The following VAV2 variants were observed in gnomAD, a reference collection of about 807,000 sequenced individuals.
VAV2 encodes vav guanine nucleotide exchange factor 2.
In VAV2, 67 loss-of-function variants were observed where a neutral mutation model predicts 132.5. The ratio of observed to expected loss-of-function variants is 0.51; its 90% confidence interval spans 0.42 to 0.62. VAV2 has a LOEUF of 0.62. Ranked by LOEUF, VAV2 falls within the 20% of genes least tolerant of loss-of-function variation. The pLI, the probability that VAV2 is intolerant of heterozygous loss-of-function variation, is 0.00. For synonymous variants in VAV2, 492 were observed against 443.5 expected (o/e 1.11, Z -1.37); for missense variants, 938 against 1,153.6 (o/e 0.81, Z 2.71).
chr9:133,966,179 C>T (rs1163427391), intron 1 of VAV2, among the ~76,000 whole-genome samples: 1 of 152,182 alleles, frequency 6.6e-6, no homozygotes, highest in Admixed American at 6.5e-5. Context: ...CATAAAACTA[C>T]TGAAAGAAAA....
chr9:133,815,168 T>A (rs913648689), intron 4 of VAV2, among the ~76,000 whole-genome samples: 1 of 151,676 alleles, frequency 6.6e-6, no homozygotes, highest in African/African-American at 2.4e-5. Flanking sequence ...AGAAAAGGGG[T>A]GTGGAAGGCA....
intron 3 of VAV2, among the ~76,000 whole-genome samples, chr9:133,858,085 G>T (rs1588276613): frequency 1.3e-5 from 2 of 152,340 alleles, no homozygotes; most frequent in South Asian, 2.1e-4. Flanking sequence ...AGACAAGACT[G>T]GCTCTTGCTC....
chr9:133,864,882 G>A (rs1837739837), intron 2 of VAV2, among the ~76,000 whole-genome samples: 2 of 152,352 alleles, frequency 1.3e-5, no homozygotes, highest in South Asian at 2.1e-4. Context: ...GAAAGGGCAT[G>A]CGGTCTGTGA....
At chr9:133,872,697 A>G (rs979246926) in intron 2 of VAV2, among the ~76,000 whole-genome samples, 1 of 141,484 alleles carries the variant, frequency 7.1e-6, no homozygotes, top group South Asian at 2.1e-4. Context: ...GCACAGGAGG[A>G]GGCGTAAGCT....
intron 1 of VAV2, among the ~76,000 whole-genome samples, chr9:133,972,514 C>T (rs530528319): frequency 3.9e-5 from 6 of 152,224 alleles, no homozygotes; most frequent in Non-Finnish European, 8.8e-5. Context: ...CGCTGGCTCC[C>T]GCAGACACAT....
chr9:133,789,152 T>C (rs1190970894), intron 14 of VAV2, 106 bp downstream of exon 14: 39 of 1,241,290 alleles, frequency 3.1e-5, no homozygotes, highest in Non-Finnish European at 4.1e-5. Flanking sequence ...GGCAGCTCTT[T>C]CCACAGGAAG....
chr9:133,970,014 G>C (rs182107345), intron 1 of VAV2, among the ~76,000 whole-genome samples: 117 of 152,130 alleles, frequency 7.7e-4, no homozygotes, highest in African/African-American at 2.7e-3. Context: ...CCCCCCAGAC[G>C]TGCAGGGTGG....
At chr9:133,909,001 G>C (rs933212043) in intron 2 of VAV2, among the ~76,000 whole-genome samples, 2 of 152,194 alleles carry the variant, frequency 1.3e-5, no homozygotes, top group Non-Finnish European at 2.9e-5. Context: ...GGAATGATTG[G>C]GAATGAACCT....
chr9:133,789,479 C>A, intron 13 of VAV2, 136 bp from the exon 14 acceptor site: 1 of 767,106 alleles, frequency 1.3e-6, no homozygotes, highest in East Asian at 2.6e-5. Context: ...GAAACAGCCC[C>A]TGTGGCTCCC....
chr9:133,948,450 C>T (rs886939155), intron 1 of VAV2, among the ~76,000 whole-genome samples: 13 of 152,112 alleles, frequency 8.5e-5, no homozygotes, highest in African/African-American at 2.9e-4. Context: ...TCAAGGTCTT[C>T]GGGGGCCAGC....
chr9:133,905,900 C>T (rs1378748240), intron 2 of VAV2, among the ~76,000 whole-genome samples: 3 of 151,934 alleles, frequency 2.0e-5, no homozygotes, highest in Non-Finnish European at 4.4e-5. Context: ...ATTAGCCGGG[C>T]GTGGTGGTAC....
chr9:133,930,417 T>A (rs752825650), intron 2 of VAV2, among the ~76,000 whole-genome samples: 3 of 53,252 alleles, frequency 5.6e-5, no homozygotes, highest in African/African-American at 1.5e-4. Flanking sequence ...CCTAGCATCC[T>A]CACTGTCCTC....
chr9:133,867,668 T>G (rs1363612965), intron 2 of VAV2, among the ~76,000 whole-genome samples: 1 of 152,224 alleles, frequency 6.6e-6, no homozygotes, highest in Non-Finnish European at 1.5e-5. Flanking sequence ...GCAAGCCCTG[T>G]GCAGTGCTAG....
chr9:133,883,962 C>T lies in VAV2; in HGVS notation c.322-22530G>A, dbSNP rs995028358. On this transcript the variant is annotated intron_variant, in intron 2 of 29. Transcript: ENST00000371850. This position sits in a 1 kb window ranked among gnomAD's most constrained non-coding sequence, Gnocchi z 4.2. The stretch of plus-strand genomic sequence containing the variant: ...CATCTTGATCAATATGGTGAAACCC[C>T]GTCTCTACTAAAATACAAAAAAATT... 3.9e-5 allele frequency among the ~76,000 whole-genome samples: 6 copies of T among 152,008 alleles called. No individual in the cohort carries two copies. Among genetic ancestry groups the T allele is most frequent in the Non-Finnish European group, 8.8e-5 (6 of 68,008 alleles).
chr9:133,967,886 T>C (rs1842197098), intron 1 of VAV2, among the ~76,000 whole-genome samples: 1 of 120,264 alleles, frequency 8.3e-6, no homozygotes, highest in African/African-American at 3.3e-5. Context: ...TGAGCCAAGA[T>C]CACACCACTG....
chr9:133,951,071 G>A (rs950763631), intron 1 of VAV2, among the ~76,000 whole-genome samples: 4 of 152,156 alleles, frequency 2.6e-5, no homozygotes, highest in Admixed American at 6.5e-5. Flanking sequence ...CTTCCTGCTG[G>A]GCTAAAAATA....
chr9:133,956,188 GGA>G (rs779443489), intron 1 of VAV2, among the ~76,000 whole-genome samples: 7 of 152,192 alleles, frequency 4.6e-5, no homozygotes, highest in Non-Finnish European at 7.4e-5. Flanking sequence ...TGGTTCACAG[GGA>G]GAGAGGGAGG....
At chr9:133,792,196 GTGAC>G (rs1834507188) in intron 12 of VAV2, among the ~76,000 whole-genome samples, 1 of 149,038 alleles carries the variant, frequency 6.7e-6, no homozygotes, top group Non-Finnish European at 1.5e-5. Context: ...TGGGGTGTGT[GTGAC>G]TGTGTGTGTG....
In VAV2 at chr9:133,788,510, G is replaced by T; in HGVS notation, c.1275-24C>A. The T allele has an allele frequency of 3.1e-6, 5 of 1,599,478 alleles. No homozygotes were observed. Among genetic ancestry groups the T allele is most frequent in the Non-Finnish European group, 4.3e-6 (5 of 1,168,594 alleles). On this transcript the variant is annotated intron_variant, in intron 14 of 29. Coordinates refer to ENST00000371850, the MANE Select transcript of VAV2 (RefSeq NM_001134398.2). This position sits in a 1 kb window ranked among gnomAD's most constrained non-coding sequence, Gnocchi z 5.3. ...ACCTGGGCCAGGCAGCGCAGCGGGG[G>T]ATCAGCACCCCAGCACTGTGTGCTC...
Sources: gnomAD v4.1 joint callset for allele counts (sites outside exome capture counted in the v4.1 genomes callset) on GRCh38, gnomAD v4.1.1 for gene constraint, Gnocchi (gnomAD v3.1) non-coding constraint, MANE v1.5 for transcripts, NCBI Gene and HGNC (gene_info 2026-07-23, HGNC 2026-07-21) for gene names.